The following MSRB3 variants were observed in gnomAD, a reference collection of about 807,000 sequenced individuals.
The protein encoded by MSRB3 is methionine sulfoxide reductase B3, also known as methionine-R-sulfoxide reductase B3.
MSRB3 carries 13 observed loss-of-function variants against 21.0 expected under a neutral mutation model. That is an observed-to-expected ratio of 0.62 (90% CI 0.40 to 0.98). The LOEUF is 0.98. MSRB3 is among the 50% of genes least tolerant of loss of function. The pLI is 0.00. For missense variants in MSRB3, 199 were observed against 230.3 expected, an observed-to-expected ratio of 0.86 and a Z score of 0.88; for synonymous variants, 87 against 88.6, an observed-to-expected ratio of 0.98 and a Z score of 0.10.
chr12:65,397,101 A>C (rs1879860859), intron 5 of MSRB3, among the ~76,000 whole-genome samples: 1 of 152,138 alleles, frequency 6.6e-6, no homozygotes, highest in Admixed American at 6.5e-5. Context: ...TGACCCCTTT[A>C]TGATTGTATA....
chr12:65,380,714 T>C (rs1592583382), intron 5 of MSRB3, among the ~76,000 whole-genome samples: 1 of 152,214 alleles, frequency 6.6e-6, no homozygotes, highest in East Asian at 1.9e-4. Flanking sequence ...ACTCATCTAA[T>C]TTGCATAGAC....
At chr12:65,402,440 G>A (rs1211048279) in intron 5 of MSRB3, among the ~76,000 whole-genome samples, 1 of 152,056 alleles carries the variant, frequency 6.6e-6, no homozygotes, top group African/African-American at 2.4e-5. Context: ...CGAAGTTCTT[G>A]CGCTGTGTTT....
intron 4 of MSRB3, among the ~76,000 whole-genome samples, chr12:65,366,865 A>G (rs955721382): frequency 3.9e-5 from 6 of 152,116 alleles, no homozygotes; most frequent in African/African-American, 1.4e-4. Context: ...AGGTGAGCAA[A>G]CTCCTGCGGT....
chr12:65,429,768 T>A (rs916042567), intron 5 of MSRB3, among the ~76,000 whole-genome samples: 2 of 152,142 alleles, frequency 1.3e-5, no homozygotes, highest in Non-Finnish European at 2.9e-5. Context: ...AACAGCTATA[T>A]CATAATGAAT....
intron 1 of MSRB3, chr12:65,284,555 C>T (rs1171457419): frequency 6.6e-6 from 1 of 152,020 alleles, no homozygotes; most frequent in Non-Finnish European, 1.5e-5. Flanking sequence ...GTAGGATATT[C>T]CTGTGGAGAT....
intron 5 of MSRB3, among the ~76,000 whole-genome samples, chr12:65,393,982 T>C (rs1879635597): frequency 6.6e-6 from 1 of 152,136 alleles, no homozygotes; most frequent in Non-Finnish European, 1.5e-5. Context: ...AAATACATTT[T>C]AATACAAGGT....
At chr12:65,311,317 T>C (rs1418743386) in intron 2 of MSRB3, among the ~76,000 whole-genome samples, 4 of 152,126 alleles carry the variant, frequency 2.6e-5, no homozygotes, top group Non-Finnish European at 4.4e-5. Context: ...AAACCCATTT[T>C]AATTTGAAAA....
rs145176506 is a variant in MSRB3, at chr12:65,459,637, TGTA to T, written c.391-3517_391-3515del. Among the ~76,000 whole-genome samples the T allele has an allele frequency of 5.5e-3, 843 of 152,298 alleles. 9 individuals are homozygous for T. Among genetic ancestry groups the T allele is most frequent in the African/African-American group, 0.019 (782 of 41,562 alleles). ...TCCCATCCTGCCCCATGTGTCCAAG[TGTA>T]AAAGCCCTGCTTTGAAAATGCTTCA... On this transcript the variant is annotated intron_variant, in intron 6 of 6. Coordinates refer to ENST00000308259, the MANE Select transcript of MSRB3 (RefSeq NM_001031679.3).
intron 5 of MSRB3, among the ~76,000 whole-genome samples, chr12:65,450,638 C>T (rs1882814316): frequency 6.6e-6 from 1 of 152,056 alleles, no homozygotes; most frequent in African/African-American, 2.4e-5. Flanking sequence ...AAAGGAAAAT[C>T]CTAGAGAAAG....
At chr12:65,314,260 C>T (rs1350064661) in intron 2 of MSRB3, among the ~76,000 whole-genome samples, 2 of 152,094 alleles carry the variant, frequency 1.3e-5, no homozygotes, top group East Asian at 1.9e-4. Context: ...CTTCAGCAGA[C>T]CACCCAAGAA....
At position 65,278,770 on chromosome 12, in the gene MSRB3, T is replaced by G. The variant is rs949229098; in HGVS notation, c.-147T>G. 1.1e-5 allele frequency: 18 copies of G among 1,577,848 alleles called. No homozygotes were observed. The highest frequency in any genetic ancestry group is 3.5e-4 in the Middle Eastern group (2 of 5,740). ...CGGCGGCGGCTGCCTGGCCTTTCCA[T>G]GAGCCCGCGGCGGACCCTCCCGCGC... On this transcript the variant is annotated 5_prime_UTR_variant, in exon 1 of 7. The change abolishes an upstream ATG in the 5' untranslated region. Transcript: ENST00000308259.
intron 5 of MSRB3, among the ~76,000 whole-genome samples, chr12:65,450,035 A>G (rs1052053301): frequency 2.0e-5 from 3 of 152,184 alleles, no homozygotes; most frequent in Non-Finnish European, 2.9e-5. Context: ...CCATTATTCA[A>G]TTATGGGCTC....
intron 2 of MSRB3, among the ~76,000 whole-genome samples, chr12:65,323,228 G>A (rs1261077970): frequency 6.6e-6 from 1 of 152,204 alleles, no homozygotes; most frequent in Admixed American, 6.5e-5. Flanking sequence ...AACTGTTGCT[G>A]TACGTTTATT....
chr12:65,400,130 G>T (rs1440679775), intron 5 of MSRB3, among the ~76,000 whole-genome samples: 1 of 152,166 alleles, frequency 6.6e-6, no homozygotes, highest in Non-Finnish European at 1.5e-5. Context: ...GTGAGTTAGG[G>T]AGGAGTCCCT....
At chr12:65,346,493 T>A (rs1876515649) in intron 4 of MSRB3, among the ~76,000 whole-genome samples, 2 of 152,206 alleles carry the variant, frequency 1.3e-5, no homozygotes, top group South Asian at 4.1e-4. Flanking sequence ...TAGCCCTTTG[T>A]CAGATGAGTA....
At chr12:65,421,938 G>C (rs1195911039) in intron 5 of MSRB3, among the ~76,000 whole-genome samples, 11 of 152,128 alleles carry the variant, frequency 7.2e-5, no homozygotes. Flanking sequence ...AGAATGGCAA[G>C]CTGGATAAAG....
intron 2 of MSRB3, among the ~76,000 whole-genome samples, chr12:65,318,382 C>T (rs998194906): frequency 6.6e-6 from 1 of 152,060 alleles, no homozygotes; most frequent in African/African-American, 2.4e-5. Context: ...GGGTGGTTAC[C>T]GCTCATCTCC....
At chr12:65,361,513 T>C (rs1474753946) in intron 4 of MSRB3, among the ~76,000 whole-genome samples, 5 of 152,192 alleles carry the variant, frequency 3.3e-5, no homozygotes, top group Admixed American at 3.3e-4. Context: ...GAAAAATGAA[T>C]GTGGCCCACA....
In MSRB3 at chr12:65,328,427, G is replaced by A. The variant is rs527267344; in HGVS notation, c.186-99G>A. On this transcript the variant is annotated intron_variant, in intron 3 of 6. Transcript: ENST00000308259. ...GTTTGTTTTCATTCTAGTACAAAAA[G>A]CCCTTGAAAGATTTATTAGAGAAAT... 3.1e-4 allele frequency: 253 copies of A among 817,884 alleles called. No individual in the cohort carries two copies. In the East Asian group the frequency reaches 5.6e-3, roughly 18 times the overall value. 50.7% of individuals were successfully genotyped at this position (817,884 alleles called of 1,614,324 possible).
Sources: allele counts gnomAD v4.1 joint callset (sites outside exome capture counted in the v4.1 genomes callset), GRCh38; gene constraint gnomAD v4.1.1; transcripts MANE v1.5; gene names NCBI Gene and HGNC (gene_info 2026-07-23, HGNC 2026-07-21).